The following RTN4R variants were observed in gnomAD, a reference collection of about 807,000 sequenced individuals.
RTN4R encodes reticulon-4 receptor.
A neutral mutation model predicts 27.7 loss-of-function variants in RTN4R; 4 were observed. The observed-to-expected ratio is 0.14, with a 90% CI of 0.07 to 0.33. The LOEUF (loss-of-function observed/expected upper bound fraction) is 0.33, where lower values mean the gene tolerates loss of function less well. RTN4R is among the 10% of genes least tolerant of loss of function. The probability of loss-of-function intolerance (pLI) is 1.00; values close to 1 mark genes in which losing one functional copy is unlikely to be tolerated. For synonymous variants in RTN4R, 290 were observed against 305.6 expected, an observed-to-expected ratio of 0.95 and a Z score of 0.53; for missense variants, 554 against 671.5, an observed-to-expected ratio of 0.83 and a Z score of 1.93.
rs767784990 is a variant in RTN4R, at chr22:20,243,068, T to C, written c.65A>G (p.Gln22Arg). The change falls in exon 2 of 2, where the codon CAG becomes CGG. Residue 22 changes from glutamine to arginine, a missense_variant. By Grantham distance (43) the Gln-to-Arg change is conservative (BLOSUM62 1). This residue lies in a region of RTN4R where 413 missense variants were observed against 542.3 expected (regional missense o/e 0.76). Transcript: ENST00000043402. ...GGCACCTGGGCATGGGGCTGCCACC[T>C]GCCAGGCCTGCAGCCACAGCACCCA... Reference protein sequence around the residue: ...LAWVLWLQAWQVAAPCPGACV... With the variant: ...LAWVLWLQAWRVAAPCPGACV... 10 of 1,600,220 alleles carry C rather than the reference T, an allele frequency of 6.2e-6. No homozygotes were observed. In the South Asian group the frequency reaches 1.1e-4, roughly 18 times the overall value.
chr22:20,267,856 G>C (rs542275867), intron 1 of RTN4R, among the ~76,000 whole-genome samples: 2 of 152,006 alleles, frequency 1.3e-5, no homozygotes, highest in African/African-American at 4.8e-5. Context: ...CCCGGGAAGC[G>C]GCAACTTTTC....
chr22:20,241,619 G>C lies in RTN4R; in HGVS notation c.*92C>G. On this transcript the variant is annotated 3_prime_UTR_variant, in exon 2 of 2. Transcript: ENST00000043402. ...GAGGACCTGGCCTGGCCTGCCCCACGGGTCGGCCGCCCGGCTGGCTTGGCG... is the reference window on the plus strand; with the variant it reads ...GAGGACCTGGCCTGGCCTGCCCCACCGGTCGGCCGCCCGGCTGGCTTGGCG... 6 of 1,443,514 alleles carry C rather than the reference G, an allele frequency of 4.2e-6. No individual in the cohort carries two copies. Among genetic ancestry groups the C allele is most frequent in the Non-Finnish European group, 4.7e-6 (5 of 1,057,146 alleles). 89.4% of individuals were successfully genotyped at this position (1,443,514 alleles called of 1,614,324 possible).
At chr22:20,257,561 C>T (rs550156587) in intron 1 of RTN4R, among the ~76,000 whole-genome samples, 5 of 152,354 alleles carry the variant, frequency 3.3e-5, no homozygotes, top group African/African-American at 9.6e-5. Flanking sequence ...CCAGCCCATG[C>T]TGGCACCCTG....
chr22:20,268,263 CG>C lies in RTN4R; in HGVS notation c.-172del, dbSNP rs2051291500. On this transcript the variant is annotated 5_prime_UTR_variant, in exon 1 of 2. Transcript: ENST00000043402. ...CGCCCGGCTCTGGCTGGGCTCGGGC[CG>C]CGGGTGCGCAGGGCGCGCAGGGCGC... 1 of 162,352 alleles carries C rather than the reference CG, an allele frequency of 6.2e-6. No individual in the cohort carries two copies. Among genetic ancestry groups the C allele is most frequent in the African/African-American group, 2.4e-5 (1 of 41,190 alleles). 10.1% of individuals were successfully genotyped at this position (162,352 alleles called of 1,614,324 possible). A position where few individuals can be genotyped will look rare whatever the true frequency, so the allele number is the denominator to read the frequency against.
chr22:20,267,632 G>A (rs782010439), intron 1 of RTN4R: 3 of 468,288 alleles, frequency 6.4e-6, no homozygotes, highest in South Asian at 1.6e-5. Flanking sequence ...GAGGTTCTGA[G>A]CCCAGACCGT....
chr22:20,264,338 G>C (rs2051265122), intron 1 of RTN4R, among the ~76,000 whole-genome samples: 2 of 152,296 alleles, frequency 1.3e-5, no homozygotes, highest in East Asian at 3.9e-4. Flanking sequence ...GATAAAAGAA[G>C]AAACGGCAGC....
At chr22:20,266,064 C>T (rs911203687) in intron 1 of RTN4R, among the ~76,000 whole-genome samples, 3 of 152,244 alleles carry the variant, frequency 2.0e-5, no homozygotes, top group East Asian at 1.9e-4. Context: ...TGCTGATGGC[C>T]ACCCATTCCC....
intron 1 of RTN4R, among the ~76,000 whole-genome samples, chr22:20,247,623 C>T (rs2051149743): frequency 1.3e-5 from 2 of 152,188 alleles, no homozygotes; most frequent in Non-Finnish European, 2.9e-5. Flanking sequence ...GGTGCTGCGG[C>T]AGGAGATTGG....
chr22:20,253,336 C>T (rs1297518395), intron 1 of RTN4R, among the ~76,000 whole-genome samples: 1 of 152,224 alleles, frequency 6.6e-6, no homozygotes, highest in Non-Finnish European at 1.5e-5. Context: ...TGTGGCTTCT[C>T]ATGCAACACT....
At chr22:20,243,362 T>C (rs746814930) in intron 1 of RTN4R, 2 of 699,698 alleles carry the variant, frequency 2.9e-6, no homozygotes, top group South Asian at 3.0e-5. Context: ...AGACTCCCCA[T>C]ACCACACCCA....
chr22:20,261,195 CTG>C (rs1180992703), intron 1 of RTN4R, among the ~76,000 whole-genome samples: 3 of 152,186 alleles, frequency 2.0e-5, no homozygotes. Context: ...GCCACATGGG[CTG>C]GTCAGAGTCC....
Position 20,243,356 on chromosome 22 carries a change from T to A in RTN4R, c.23-246A>T, listed in dbSNP as rs568946294. On this transcript the variant is annotated intron_variant, in intron 1 of 1. Coordinates refer to ENST00000043402, the MANE Select transcript of RTN4R (RefSeq NM_023004.6). ...CACCCTGGAAGCCACATCTGCAGACTCCCCATACCACACCCAGGAGCAGCC... is the reference window on the plus strand; with the variant it reads ...CACCCTGGAAGCCACATCTGCAGACACCCCATACCACACCCAGGAGCAGCC... The A allele has an allele frequency of 5.5e-4, 387 of 700,882 alleles. 12 individuals carry two copies. In the South Asian group the frequency reaches 5.8e-3, roughly 10 times the overall value. 43.4% of individuals were successfully genotyped at this position (700,882 alleles called of 1,614,324 possible).
rs772112802 is a variant in RTN4R, at chr22:20,242,102, G to T, written c.1031C>A (p.Ala344Asp). ...TGGTCTTCCAGGCTCCAGTACTGAG[G>T]CCTTGTCAGCGGCATCTGGCTGGCA... The part of the protein sequence containing the change: ...KCCQPDAADK[A>D]SVLEPGRPAS... The change falls in exon 2 of 2, where the codon GCC becomes GAC. Residue 344 changes from alanine (A) to aspartate (D), a missense_variant. This residue lies in a region of RTN4R where 413 missense variants were observed against 542.3 expected (regional missense o/e 0.76). Coordinates refer to ENST00000043402, the MANE Select transcript of RTN4R (RefSeq NM_023004.6). 9 of 1,612,044 alleles carry T rather than the reference G, an allele frequency of 5.6e-6. No individual in the cohort carries two copies. The East Asian group carries it at 1.3e-4, about 24-fold the overall frequency.
chr22:20,265,241 G>C (rs545277543), intron 1 of RTN4R, among the ~76,000 whole-genome samples: 1 of 152,196 alleles, frequency 6.6e-6, no homozygotes, highest in African/African-American at 2.4e-5. Flanking sequence ...GCAGAGGGAG[G>C]GGGAGAGCAC....
chr22:20,256,887 C>T (rs561809196), intron 1 of RTN4R, among the ~76,000 whole-genome samples: 2 of 152,354 alleles, frequency 1.3e-5, no homozygotes, highest in East Asian at 3.9e-4. Context: ...GGCCCACTCC[C>T]ACGGTCTCCT....
chr22:20,247,265 T>C (rs1321356712), intron 1 of RTN4R, among the ~76,000 whole-genome samples: 3 of 152,082 alleles, frequency 2.0e-5, no homozygotes, highest in Admixed American at 2.0e-4. Context: ...CTCAGGATCC[T>C]CTCGGACACC....
rs138734781 is a variant in RTN4R at position 20,255,433 on chromosome 22, A to G, written c.23-12323T>C. Among the ~76,000 whole-genome samples the G allele has an allele frequency of 6.6e-6, 1 of 152,306 alleles. No individual in the cohort carries two copies. Among genetic ancestry groups the G allele is most frequent in the Non-Finnish European group, 1.5e-5 (1 of 68,012 alleles). On this transcript the variant is annotated intron_variant, in intron 1 of 1. Transcript: ENST00000043402. This position sits in a 1 kb window ranked among gnomAD's most constrained non-coding sequence, Gnocchi z 4.8. ...TGGCATCTGGCCAGGGAGGATCCAC[A>G]TGCTGCTTTTTGGTCCCCTGCTCGG... is the stretch of plus-strand genomic sequence containing the variant.
rs181542833 is a variant in RTN4R at position 20,245,683 on chromosome 22, C to T, written c.23-2573G>A. Among the ~76,000 whole-genome samples the T allele has an allele frequency of 3.7e-3, 557 of 152,318 alleles. 1 individual carries two copies. The highest frequency in any genetic ancestry group is 9.1e-3 in the South Asian group (44 of 4,834). ...CTCTCTGGCCCTCTCGCCCACCTTT[C>T]TCTCTCCTCTATCTGCCTGGCCAAC... is the stretch of plus-strand genomic sequence containing the variant. On this transcript the variant is annotated intron_variant, in intron 1 of 1. Coordinates refer to ENST00000043402, the MANE Select transcript of RTN4R (RefSeq NM_023004.6).
At chr22:20,250,846 CACAT>C (rs1246780720) in intron 1 of RTN4R, among the ~76,000 whole-genome samples, 1 of 148,700 alleles carries the variant, frequency 6.7e-6, no homozygotes, top group East Asian at 2.0e-4. Flanking sequence ...TACACACACA[CACAT>C]GCATGCACAC....
Sources: gnomAD v4.1 joint callset for allele counts (sites outside exome capture counted in the v4.1 genomes callset) on GRCh38, gnomAD v4.1.1 for gene constraint, gnomAD v4.1.1 regional missense constraint, Gnocchi (gnomAD v3.1) non-coding constraint, MANE v1.5 for transcripts, NCBI Gene and HGNC (gene_info 2026-07-23, HGNC 2026-07-21) for gene names.